NUBPL: variants seen among roughly 807,000 people sequenced by gnomAD.
NUBPL encodes the protein iron-sulfur cluster transfer protein NUBPL.
Under a neutral mutation model 45.7 loss-of-function variants are expected in NUBPL, and 31 were observed. That is an observed-to-expected ratio of 0.68 (90% CI 0.51 to 0.92). The LOEUF is 0.92. Among genes scored for constraint, NUBPL ranks in the 40% least tolerant of loss-of-function variants. The probability of loss-of-function intolerance (pLI) is 0.00; values close to 1 mark genes in which losing one functional copy is unlikely to be tolerated. For missense variants in NUBPL, 401 were observed against 398.7 expected, an observed-to-expected ratio of 1.01 and a Z score of -0.05; for synonymous variants, 144 against 140.9, an observed-to-expected ratio of 1.02 and a Z score of -0.15.
At chr14:31,588,170 G>T (rs2034043248) in intron 3 of NUBPL, among the ~76,000 whole-genome samples, 1 of 152,184 alleles carries the variant, frequency 6.6e-6, no homozygotes, top group South Asian at 2.1e-4. Context: ...TGAACTGCCT[G>T]ACCTTGGGCA....
At chr14:31,783,352 A>C (rs1006979721) in intron 6 of NUBPL, among the ~76,000 whole-genome samples, 14 of 151,922 alleles carry the variant, frequency 9.2e-5, no homozygotes, top group South Asian at 2.1e-4. Context: ...CTGTGTGGTC[A>C]TTTGCTTGGT....
intron 6 of NUBPL, among the ~76,000 whole-genome samples, chr14:31,740,674 T>G (rs1234364018): frequency 9.2e-5 from 14 of 152,218 alleles, no homozygotes; most frequent in African/African-American, 3.4e-4. Context: ...AGCTTATCAA[T>G]ACGTTCTCTC....
chr14:31,687,626 T>G (rs75291605), intron 6 of NUBPL, among the ~76,000 whole-genome samples: 7,523 of 152,324 alleles, frequency 0.049, 640 homozygotes, highest in African/African-American at 0.17. Context: ...TAAAATGCTG[T>G]GTGCTAATGA....
intron 3 of NUBPL, among the ~76,000 whole-genome samples, chr14:31,588,178 G>A (rs1421581559): frequency 1.3e-5 from 2 of 152,152 alleles, no homozygotes; most frequent in Admixed American, 1.3e-4. Flanking sequence ...CTGACCTTGG[G>A]CAAGTTACTA....
At chr14:31,841,096 T>C (rs1197815250) in intron 8 of NUBPL, among the ~76,000 whole-genome samples, 1 of 152,242 alleles carries the variant, frequency 6.6e-6, no homozygotes, top group Non-Finnish European at 1.5e-5. Flanking sequence ...TTATTGTTGA[T>C]GGACACGAGT....
intron 2 of NUBPL, among the ~76,000 whole-genome samples, chr14:31,564,477 C>T (rs1231691594): frequency 1.4e-5 from 2 of 142,984 alleles, no homozygotes; most frequent in Non-Finnish European, 3.0e-5. Context: ...ATTGCTTGAG[C>T]CAGGGCAACA....
At chr14:31,754,591 C>A (rs376500580) in intron 6 of NUBPL, among the ~76,000 whole-genome samples, 1 of 103,700 alleles carries the variant, frequency 9.6e-6, no homozygotes. Flanking sequence ...AGAGGGTTTT[C>A]TTTTTTTTTT....
Position 31,650,637 on chromosome 14 carries a change from A to G in NUBPL, c.383-22718A>G, listed in dbSNP as rs1334625210. On this transcript the variant is annotated intron_variant, in intron 4 of 10. Coordinates refer to ENST00000281081, the MANE Select transcript of NUBPL (RefSeq NM_025152.3). ...AATACTGTCTCCATACTTAATGTCT[A>G]TTAGCTACTTCTTTGAAGGAGAAAT... 5.3e-5 allele frequency among the ~76,000 whole-genome samples: 8 copies of G among 152,182 alleles called. No individual in the cohort carries two copies. The East Asian group carries it at 1.2e-3, about 22-fold the overall frequency.
rs2039871316 is a variant in NUBPL, at chr14:31,814,226, C to G, written c.608-12403C>G. On this transcript the variant is annotated intron_variant, in intron 7 of 10. Transcript: ENST00000281081. Reference sequence around the variant, plus strand: ...TCCTGACTCTTTAATGATTGCCATTCTAACTGGCATAAGATGGTATCTCAT... The same window carrying G: ...TCCTGACTCTTTAATGATTGCCATTGTAACTGGCATAAGATGGTATCTCAT... 3.3e-5 allele frequency among the ~76,000 whole-genome samples: 5 copies of G among 152,338 alleles called. No homozygotes were observed. In the South Asian group the frequency reaches 1.0e-3, roughly 32 times the overall value.
chr14:31,570,944 T>C (rs1475856668), intron 3 of NUBPL, among the ~76,000 whole-genome samples: 1 of 152,190 alleles, frequency 6.6e-6, no homozygotes, highest in East Asian at 1.9e-4. Context: ...AATCACATAC[T>C]CCCTTGCTCA....
intron 4 of NUBPL, among the ~76,000 whole-genome samples, chr14:31,640,289 A>G (rs2035648318): frequency 6.6e-6 from 1 of 151,982 alleles, no homozygotes; most frequent in African/African-American, 2.4e-5. Flanking sequence ...TGCTTACCTA[A>G]CCACCATACT....
intron 3 of NUBPL, among the ~76,000 whole-genome samples, chr14:31,582,568 G>A (rs1300759894): frequency 6.6e-6 from 1 of 152,066 alleles, no homozygotes; most frequent in Non-Finnish European, 1.5e-5. Context: ...ACTTTCCCTA[G>A]ACGCTGTGGT....
At chr14:31,574,738 T>A (rs1408866207) in intron 3 of NUBPL, among the ~76,000 whole-genome samples, 1 of 151,052 alleles carries the variant, frequency 6.6e-6, no homozygotes, top group Non-Finnish European at 1.5e-5. Flanking sequence ...TACAGGCACA[T>A]GCCCAGCTAA....
At chr14:31,597,452 T>G (rs938899813) in intron 3 of NUBPL, among the ~76,000 whole-genome samples, 1 of 152,204 alleles carries the variant, frequency 6.6e-6, no homozygotes, top group Non-Finnish European at 1.5e-5. Flanking sequence ...AGAAGCAGGA[T>G]AGATGATAGA....
chr14:31,695,186 TAGA>T lies in NUBPL; in HGVS notation c.513+21615_513+21617del, dbSNP rs1174349348. Reference sequence around the variant, plus strand: ...TCAGCATTGAAAGAGAACAAGTTGTTAGAAGGAGTTAGAAACAGCCTATGAATA... The same window carrying T: ...TCAGCATTGAAAGAGAACAAGTTGTTAGGAGTTAGAAACAGCCTATGAATA... On this transcript the variant is annotated intron_variant, in intron 6 of 10. Coordinates refer to ENST00000281081, the MANE Select transcript of NUBPL (RefSeq NM_025152.3). Among the ~76,000 whole-genome samples, 4 of 152,198 alleles carry T rather than the reference TAGA, an allele frequency of 2.6e-5. No individual in the cohort carries two copies. In the East Asian group the frequency reaches 5.8e-4, roughly 22 times the overall value.
At chr14:31,627,888 T>G (rs2378899) in intron 4 of NUBPL, among the ~76,000 whole-genome samples, 127,167 of 152,124 alleles carry the variant, frequency 0.84, 56,995 homozygotes, top group East Asian at 1. Flanking sequence ...TTCATTAAAA[T>G]TAGGCCCATA....
At chr14:31,834,089 A>G (rs2040234972) in intron 8 of NUBPL, among the ~76,000 whole-genome samples, 1 of 152,132 alleles carries the variant, frequency 6.6e-6, no homozygotes, top group East Asian at 1.9e-4. Context: ...TATTTATTTT[A>G]TAAAGGAGAG....
chr14:31,823,355 A>T (rs117216327), intron 7 of NUBPL, among the ~76,000 whole-genome samples: 196 of 152,268 alleles, frequency 1.3e-3, no homozygotes, highest in Non-Finnish European at 2.5e-3. Context: ...TGTAATGGTG[A>T]TACAAATAGT....
intron 10 of NUBPL, among the ~76,000 whole-genome samples, chr14:31,852,786 G>C (rs2040557596): frequency 6.6e-6 from 1 of 152,170 alleles, no homozygotes; most frequent in African/African-American, 2.4e-5. Context: ...TTGAGGCCTA[G>C]GATCAGAATC....
Sources: allele counts gnomAD v4.1 joint callset (sites outside exome capture counted in the v4.1 genomes callset), GRCh38; gene constraint gnomAD v4.1.1; transcripts MANE v1.5; gene names NCBI Gene and HGNC (gene_info 2026-07-23, HGNC 2026-07-21).